Variants in GALNT9 observed in about 807,000 individuals in gnomAD.
GALNT9 encodes GalNAc transferase 9.
In GALNT9, 47 loss-of-function variants were observed where a neutral mutation model predicts 63.1. The ratio of observed to expected loss-of-function variants is 0.75; its 90% confidence interval spans 0.59 to 0.95. The LOEUF (loss-of-function observed/expected upper bound fraction) is 0.95. GALNT9 is among the 40% of genes least tolerant of loss of function. The pLI, the probability that GALNT9 is intolerant of heterozygous loss-of-function variation, is 0.00. For synonymous variants in GALNT9, 396 were observed against 365.7 expected (o/e 1.08, Z -0.94); for missense variants, 829 against 874.8 (o/e 0.95, Z 0.66).
At chr12:132,287,734 T>C (rs1178457416) in intron 1 of GALNT9, among the ~76,000 whole-genome samples, 2 of 151,888 alleles carry the variant, frequency 1.3e-5, no homozygotes, top group Non-Finnish European at 2.9e-5. Flanking sequence ...GGTCAGGGTG[T>C]GTGGAATGGG....
chr12:132,295,462 C>T (rs1555243139), intron 1 of GALNT9, among the ~76,000 whole-genome samples: 5 of 151,984 alleles, frequency 3.3e-5, no homozygotes, highest in Admixed American at 6.5e-5. Context: ...TCTTCGCTGA[C>T]GTCATCAAGG....
At chr12:132,218,887 C>A (rs1449721966) in intron 6 of GALNT9, among the ~76,000 whole-genome samples, 1 of 152,338 alleles carries the variant, frequency 6.6e-6, no homozygotes, top group East Asian at 1.9e-4. Context: ...AGAGAAACAG[C>A]GTCTTCCTTC....
intron 4 of GALNT9, 29 bp from the exon 5 acceptor site, chr12:132,257,915 G>T: frequency 1.4e-6 from 2 of 1,444,344 alleles, no homozygotes; most frequent in South Asian, 2.5e-5. Context: ...GAGGAGGGGC[G>T]GCCCCAGCCC....
At chr12:132,263,650 G>C (rs1879490522) in intron 2 of GALNT9, among the ~76,000 whole-genome samples, 1 of 152,184 alleles carries the variant, frequency 6.6e-6, no homozygotes, top group South Asian at 2.1e-4. Flanking sequence ...TGAGCGCCCT[G>C]ACAGCAAGCT....
At chr12:132,268,447 G>C (rs1879739063) in intron 2 of GALNT9, among the ~76,000 whole-genome samples, 1 of 152,178 alleles carries the variant, frequency 6.6e-6, no homozygotes, top group Non-Finnish European at 1.5e-5. Flanking sequence ...CAAGTCCCTG[G>C]AAGGGAATAG....
intron 6 of GALNT9, among the ~76,000 whole-genome samples, chr12:132,215,283 G>A (rs1238106725): frequency 2.6e-5 from 4 of 152,234 alleles, no homozygotes; most frequent in African/African-American, 7.2e-5. Context: ...CTCGCACACC[G>A]AGCTGCAATT....
At chr12:132,214,437 C>A (rs576070868) in intron 6 of GALNT9, among the ~76,000 whole-genome samples, 4 of 152,180 alleles carry the variant, frequency 2.6e-5, no homozygotes, top group Admixed American at 1.3e-4. Flanking sequence ...CTAGTGAGCA[C>A]CCCCCCAGCG....
intron 7 of GALNT9, among the ~76,000 whole-genome samples, chr12:132,202,659 G>A (rs1439539887): frequency 2.0e-5 from 3 of 152,060 alleles, no homozygotes; most frequent in African/African-American, 7.3e-5. Context: ...TGGCTCATTA[G>A]GGTTGATGCA....
At chr12:132,202,530 G>A (rs10902508) in intron 7 of GALNT9, among the ~76,000 whole-genome samples, 7 of 152,024 alleles carry the variant, frequency 4.6e-5, no homozygotes, top group Non-Finnish European at 2.9e-5. Context: ...GTGGTGGGAA[G>A]TTTTAAGAAG....
chr12:132,307,299 G>T (rs1881649435), intron 1 of GALNT9, among the ~76,000 whole-genome samples: 1 of 152,170 alleles, frequency 6.6e-6, no homozygotes, highest in Non-Finnish European at 1.5e-5. Flanking sequence ...CATTTTGGAA[G>T]AAATGGCATT....
At chr12:132,219,334 G>A (rs1482602813) in intron 6 of GALNT9, among the ~76,000 whole-genome samples, 2 of 152,212 alleles carry the variant, frequency 1.3e-5, no homozygotes, top group African/African-American at 4.8e-5. Context: ...ACACAGAAAC[G>A]ATAGATCAGT....
chr12:132,243,905 G>A (rs2136906053), intron 6 of GALNT9, among the ~76,000 whole-genome samples: 1 of 152,074 alleles, frequency 6.6e-6, no homozygotes, highest in South Asian at 2.1e-4. Context: ...AATATTTTTT[G>A]GAAGAGTCCC....
At chr12:132,304,489 A>G (rs1319753205) in intron 1 of GALNT9, among the ~76,000 whole-genome samples, 2 of 36,806 alleles carry the variant, frequency 5.4e-5, no homozygotes, top group African/African-American at 1.6e-4. Flanking sequence ...GCTCACCCAG[A>G]CACACCCTTG....
chr12:132,201,320 C>T (rs1876084290), intron 7 of GALNT9, 59 bp from the exon 8 acceptor site: 2 of 1,261,516 alleles, frequency 1.6e-6, no homozygotes, highest in Non-Finnish European at 2.3e-6. Flanking sequence ...TGGGTCTTCC[C>T]CATAATGAGG....
chr12:132,263,909 A>C (rs1879500109), intron 2 of GALNT9, among the ~76,000 whole-genome samples: 1 of 152,154 alleles, frequency 6.6e-6, no homozygotes, highest in African/African-American at 2.4e-5. Flanking sequence ...CTAGGTCAGG[A>C]GGCGTCTCGG....
chr12:132,299,669 CCCA>C (rs1555243650), intron 1 of GALNT9, among the ~76,000 whole-genome samples: 1 of 141,686 alleles, frequency 7.1e-6, no homozygotes, highest in African/African-American at 2.6e-5. Flanking sequence ...CTAACACACT[CCCA>C]CCACACCTAA....
intron 6 of GALNT9, among the ~76,000 whole-genome samples, chr12:132,247,129 C>T (rs1555238049): frequency 2.0e-5 from 3 of 151,420 alleles, no homozygotes; most frequent in East Asian, 3.9e-4. Flanking sequence ...GAAGCCCGGC[C>T]GAGCTCAGAG....
chr12:132,303,591 G>A (rs1252397616), intron 1 of GALNT9, among the ~76,000 whole-genome samples: 3 of 95,530 alleles, frequency 3.1e-5, no homozygotes, highest in African/African-American at 1.0e-4. Context: ...ACCCTCGCCC[G>A]GGCACACCCT....
At chr12:132,226,266 CAT>C in intron 6 of GALNT9, among the ~76,000 whole-genome samples, 1 of 144,730 alleles carries the variant, frequency 6.9e-6, no homozygotes, top group East Asian at 2.1e-4. Context: ...ACACACGGTA[CAT>C]ACACACCCCA....
Sources: gnomAD v4.1 joint callset for allele counts (sites outside exome capture counted in the v4.1 genomes callset) on GRCh38, gnomAD v4.1.1 for gene constraint, MANE v1.5 for transcripts, NCBI Gene and HGNC (gene_info 2026-07-23, HGNC 2026-07-21) for gene names.